Variants in DDX59 observed in about 807,000 individuals in gnomAD.
DDX59 encodes the protein DEAD-box helicase 59.
In DDX59, 30 loss-of-function variants were observed where a neutral mutation model predicts 51.9. That is an observed-to-expected ratio of 0.58 (90% CI 0.43 to 0.78). DDX59 has a LOEUF of 0.78. Ranked by LOEUF, DDX59 falls within the 30% of genes least tolerant of loss-of-function variation. The pLI is 0.00. For missense variants in DDX59, 672 were observed against 730.8 expected, an observed-to-expected ratio of 0.92 and a Z score of 0.93; for synonymous variants, 255 against 253.3, an observed-to-expected ratio of 1.01 and a Z score of -0.06.
At chr1:200,641,702 C>T (rs1661056277), downstream of DDX59, among the ~76,000 whole-genome samples, 1 of 151,566 alleles carries the variant, frequency 6.6e-6, no homozygotes, top group African/African-American at 2.4e-5. Context: ...AACCTCATTT[C>T]TACTAAAAAT....
Position 200,666,655 on chromosome 1 carries a change from G to A in DDX59, c.86C>T (p.Pro29Leu), listed in dbSNP as rs1662781721. 6.2e-7 allele frequency: 1 copy of A among 1,614,132 alleles called. No individual in the cohort carries two copies. Residue 29 changes from proline (P) to leucine (L), a missense_variant, in exon 2 of 8, where the codon CCA becomes CTA. Transcript: ENST00000331314. ...GCTTTTGTCCAACTGAAGGTCTTCT[G>A]GGTCTGGTTTAATTATCTTAGCCAC... ...SCVAKIIKPD[P>L]EDLQLDKSRD...
intron 5 of DDX59, 21 bp from the exon 6 acceptor site, chr1:200,649,247 A>G: frequency 6.5e-7 from 1 of 1,541,914 alleles, no homozygotes; most frequent in South Asian, 1.3e-5. Context: ...AAAAACATAT[A>G]TCAAAAATTA....
chr1:200,643,975 G>A (rs551492614), downstream of DDX59: 4 of 305,052 alleles, frequency 1.3e-5, no homozygotes, highest in African/African-American at 9.0e-5. Context: ...TCTTTGTGGA[G>A]GTTTCTGGTT....
rs758460321 is a variant in DDX59 at position 200,666,482 on chromosome 1, A to G, written c.259T>C (p.Ser87Pro). ...PEQGAKDSHP[S>P]EEPVKSFSKT... ...GAAAATGACTTAACGGGCTCTTCAGAAGGATGGCTGTCCTTCGCACCCTGC... is the reference window on the plus strand; with the variant it reads ...GAAAATGACTTAACGGGCTCTTCAGGAGGATGGCTGTCCTTCGCACCCTGC... The change falls in exon 2 of 8, where the codon TCT (serine) becomes CCT (proline). Residue 87 changes from serine to proline, a missense_variant. Transcript: ENST00000331314. The G allele has an allele frequency of 8.1e-6, 13 of 1,614,176 alleles. No homozygotes were observed. The East Asian group carries it at 2.7e-4, about 33-fold the overall frequency.
At chr1:200,649,887 G>C (rs1661543056) in intron 5 of DDX59, among the ~76,000 whole-genome samples, 1 of 147,758 alleles carries the variant, frequency 6.8e-6, no homozygotes, top group African/African-American at 2.5e-5. Context: ...CTGTCACCCA[G>C]GCTGGAGTGC....
At chr1:200,641,034 T>C (rs73074929), downstream of DDX59, 1,669 of 471,952 alleles carry the variant, frequency 3.5e-3, 29 homozygotes, top group African/African-American at 0.032. Context: ...TCTGAGGTCA[T>C]TGTAAGTATG....
chr1:200,665,513 G>A (rs1290221760), intron 2 of DDX59, among the ~76,000 whole-genome samples: 20 of 150,512 alleles, frequency 1.3e-4, no homozygotes, highest in African/African-American at 4.1e-4. Context: ...GAAAAAAAAA[G>A]TATATTTTGA....
intron 5 of DDX59, among the ~76,000 whole-genome samples, chr1:200,649,604 G>A (rs1661518259): frequency 6.9e-6 from 1 of 145,288 alleles, no homozygotes; most frequent in South Asian, 2.3e-4. Flanking sequence ...ACTCCAGCCT[G>A]GGCAACAGAG....
Position 200,650,620 on chromosome 1 carries a change from G to A in DDX59, c.1119C>T (p.Asn373=). The A allele has an allele frequency of 1.2e-6, 2 of 1,613,806 alleles. No homozygotes were observed. Among genetic ancestry groups the A allele is most frequent in the Admixed American group, 1.7e-5 (1 of 59,978 alleles). ...AAATGGTCTGACAATCATTAGGAAT[G>A]TTTTCCAAAATGTCAAGCACTTGTT... ...FQQQVLDILE[N]IPNDCQTILV... Residue 373 remains asparagine, a synonymous_variant, in exon 5 of 8, where the codon AAC becomes AAT. Transcript: ENST00000331314.
intron 7 of DDX59, among the ~76,000 whole-genome samples, chr1:200,647,053 G>A (rs961920049): frequency 2.0e-5 from 3 of 152,192 alleles, no homozygotes; most frequent in Admixed American, 6.5e-5. Context: ...TAAATAAAAA[G>A]AGAAGTAGTA....
intron 1 of DDX59, among the ~76,000 whole-genome samples, chr1:200,668,020 T>C (rs1662892977): frequency 6.6e-6 from 1 of 152,060 alleles, no homozygotes; most frequent in African/African-American, 2.4e-5. Context: ...TGGTTTGGGC[T>C]GGGCGCAGTG....
chr1:200,655,753 T>A (rs545658791), intron 4 of DDX59, among the ~76,000 whole-genome samples: 2 of 152,202 alleles, frequency 1.3e-5, no homozygotes, highest in Admixed American at 6.5e-5. Context: ...AAGCCATTTT[T>A]TGCAGTGCTA....
intron 7 of DDX59, 43 bp downstream of exon 7, chr1:200,648,396 A>C (rs770066347): frequency 6.2e-7 from 1 of 1,607,770 alleles, no homozygotes; most frequent in South Asian, 1.1e-5. Context: ...CTTTCCCAAT[A>C]AAACTCGTGA....
At chr1:200,648,314 T>C (rs1297504044) in intron 7 of DDX59, 125 bp downstream of exon 7, 2 of 1,316,528 alleles carry the variant, frequency 1.5e-6, no homozygotes, top group Non-Finnish European at 1.0e-6. Context: ...TCCAAAGTGC[T>C]GGGATTACAG....
At chr1:200,655,958 G>A (rs1661994449) in intron 4 of DDX59, among the ~76,000 whole-genome samples, 1 of 152,116 alleles carries the variant, frequency 6.6e-6, no homozygotes, top group Non-Finnish European at 1.5e-5. Context: ...AGCCTCCTGA[G>A]TAGCTGGGAT....
intron 7 of DDX59, 131 bp from the exon 8 acceptor site, chr1:200,644,648 C>T: frequency 8.8e-7 from 1 of 1,130,722 alleles, no homozygotes; most frequent in Non-Finnish European, 1.2e-6. Context: ...GTAACCCCAG[C>T]ACTTTGGGAG....
Position 200,659,024 on chromosome 1 carries a change from T to TA in DDX59, c.1062+2dup. On this transcript the variant is annotated splice_region_variant and intron_variant, in intron 4 of 7. Coordinates refer to ENST00000331314, the MANE Select transcript of DDX59 (RefSeq NM_001031725.6). ...TAACTGTTTTTTAAATACCACTACT[T>TA]ACTTCATCTACTACCACAATCTTTA... 1 of 1,605,250 alleles carries TA rather than the reference T, an allele frequency of 6.2e-7. No homozygotes were observed. The highest frequency in any genetic ancestry group is 2.2e-5 in the East Asian group (1 of 44,792).
rs750754355 is a variant in DDX59, at chr1:200,666,161, G to A, written c.580C>T (p.Gln194Ter). 3.1e-6 allele frequency: 5 copies of A among 1,614,022 alleles called. No individual in the cohort carries two copies. The African/African-American group carries it at 4.0e-5, about 13-fold the overall frequency. ...NLKQQLGILV[Q>*]GQEVTRPIID... ...ATGGGCCTGGTGACTTCTTGCCCTT[G>A]AACTAAAATTCCCAGCTGCTGTTTA... Residue 194 changes from glutamine to a stop codon, truncating the protein, a stop_gained, in exon 2 of 8, where the codon CAA becomes TAA. Transcript: ENST00000331314. LOFTEE classifies it high-confidence loss of function.
At chr1:200,668,504 GA>G (rs149159111) in intron 1 of DDX59, among the ~76,000 whole-genome samples, 18,008 of 152,070 alleles carry the variant, frequency 0.12, 1,549 homozygotes, top group East Asian at 0.41. Context: ...ATTCTCATCA[GA>G]TGGGTTTTAT....
Sources: gnomAD v4.1 joint callset for allele counts (sites outside exome capture counted in the v4.1 genomes callset) on GRCh38, gnomAD v4.1.1 for gene constraint, MANE v1.5 for transcripts, NCBI Gene and HGNC (gene_info 2026-07-23, HGNC 2026-07-21) for gene names.